The following NDUFAF6 variants were observed in gnomAD, a reference collection of about 807,000 sequenced individuals.
NDUFAF6 encodes NADH dehydrogenase (ubiquinone) complex I, assembly factor 6.
In NDUFAF6, 45 loss-of-function variants were observed where a neutral mutation model predicts 40.8. The observed-to-expected ratio is 1.10, with a 90% CI of 0.87 to 1.42. The LOEUF (loss-of-function observed/expected upper bound fraction) is 1.42. Ranked by LOEUF, NDUFAF6 falls within the 40% of genes most tolerant of loss-of-function variation. The pLI is 0.00. For synonymous variants in NDUFAF6, 185 were observed against 155.9 expected (o/e 1.19, Z -1.39); for missense variants, 435 against 418.5 (o/e 1.04, Z -0.34).
upstream of NDUFAF6, among the ~76,000 whole-genome samples, chr8:95,097,066 C>T (rs530633254): frequency 6.6e-6 from 1 of 152,162 alleles, no homozygotes; most frequent in East Asian, 1.9e-4. Flanking sequence ...ACTCTCTGGG[C>T]CCCTGGGCCA....
At chr8:95,099,787 C>G (rs1809593516), upstream of NDUFAF6, among the ~76,000 whole-genome samples, 1 of 152,160 alleles carries the variant, frequency 6.6e-6, no homozygotes, top group Non-Finnish European at 1.5e-5. Context: ...ACAAAGCCAT[C>G]TTGAAGTTCA....
chr8:94,897,723 G>A (rs200108566), intron 1 of NDUFAF6, among the ~76,000 whole-genome samples: 1 of 36,300 alleles, frequency 2.8e-5, no homozygotes, highest in Non-Finnish European at 6.0e-5. Context: ...TTTTTTTTTT[G>A]TATATCTCCT....
intron 1 of NDUFAF6, among the ~76,000 whole-genome samples, chr8:94,941,526 T>G (rs1821530974): frequency 6.6e-6 from 1 of 152,234 alleles, no homozygotes; most frequent in South Asian, 2.1e-4. Flanking sequence ...TCTCTTCTAC[T>G]CTGTACTTCT....
intron 2 of NDUFAF6, among the ~76,000 whole-genome samples, chr8:95,010,357 G>A (rs1228040737): frequency 6.6e-6 from 1 of 152,174 alleles, no homozygotes; most frequent in Non-Finnish European, 1.5e-5. Context: ...AAAGTGCTGG[G>A]ATTACAGGTG....
intron 1 of NDUFAF6, among the ~76,000 whole-genome samples, chr8:94,901,666 C>G (rs1045326646): frequency 3.3e-5 from 5 of 152,190 alleles, no homozygotes. Flanking sequence ...ACTGCAACCT[C>G]CACCTCCCAG....
rs1831069512 is a variant in NDUFAF6, at chr8:95,048,542, A to G, written c.800A>G (p.His267Arg). ...ATATATGACATTGCCAGTCAAGCAC[A>G]CTTGCACCTAAAGCATGTAAGTCGG... ...DVIYDIASQA[H>R]LHLKHARSFH... The change falls in exon 7 of 9, where the codon CAC becomes CGC. Residue 267 changes from histidine to arginine, a missense_variant. His to Arg is a conservative substitution (Grantham distance 29, BLOSUM62 0). Transcript: ENST00000396124. 1 of 1,613,912 alleles carries G rather than the reference A, an allele frequency of 6.2e-7. No individual in the cohort carries two copies.
chr8:94,925,011 G>A (rs1023941683), intron 1 of NDUFAF6, among the ~76,000 whole-genome samples: 1 of 152,164 alleles, frequency 6.6e-6, no homozygotes, highest in African/African-American at 2.4e-5. Context: ...CCAAAGTGCT[G>A]GCATTACAGG....
upstream of NDUFAF6, among the ~76,000 whole-genome samples, chr8:95,097,071 G>A (rs1809489143): frequency 6.6e-6 from 1 of 152,174 alleles, no homozygotes. Context: ...CTGGGCCCCT[G>A]GGCCAGTGAA....
chr8:94,930,338 G>T, intron 1 of NDUFAF6: 2 of 1,193,440 alleles, frequency 1.7e-6, no homozygotes, highest in Non-Finnish European at 2.4e-6. Context: ...TGATTTTCAA[G>T]ATAGTGTCTA....
chr8:95,045,500 A>G (rs1227333694), intron 4 of NDUFAF6, 45 bp from the exon 5 acceptor site: 1 of 1,400,058 alleles, frequency 7.1e-7, no homozygotes, highest in Non-Finnish European at 1.0e-6. Context: ...TCTTTCTAAA[A>G]TATTGACAGT....
chr8:95,061,402 G>A (rs1832568416), downstream of NDUFAF6, among the ~76,000 whole-genome samples: 4 of 152,266 alleles, frequency 2.6e-5, no homozygotes, highest in South Asian at 8.3e-4. Context: ...TAAACATTAT[G>A]TGGTTCTTTA....
intron 2 of NDUFAF6, among the ~76,000 whole-genome samples, chr8:95,018,245 C>T (rs1450032825): frequency 6.6e-6 from 1 of 151,198 alleles, no homozygotes; most frequent in East Asian, 1.9e-4. Context: ...CTATGTTGCC[C>T]AGGCTGGTCT....
chr8:94,911,822 A>G (rs1404492240), intron 1 of NDUFAF6, among the ~76,000 whole-genome samples: 1 of 152,204 alleles, frequency 6.6e-6, no homozygotes, highest in Non-Finnish European at 1.5e-5. Flanking sequence ...TGAGGATGCT[A>G]TGGCAGGTTC....
chr8:95,001,972 TCACCC>T (rs151214614), intron 2 of NDUFAF6, among the ~76,000 whole-genome samples: 1,539 of 152,350 alleles, frequency 0.01, 28 homozygotes, highest in African/African-American at 0.035. Context: ...GCCATTGTGT[TCACCC>T]AGGATTAGAC....
upstream of NDUFAF6, among the ~76,000 whole-genome samples, chr8:95,095,877 C>A (rs1245649404): frequency 6.6e-6 from 1 of 152,098 alleles, no homozygotes; most frequent in East Asian, 1.9e-4. Context: ...GTTGGCCAGG[C>A]TAGTCTCGAA....
chr8:95,099,574 T>C (rs1341956475), upstream of NDUFAF6, among the ~76,000 whole-genome samples: 1 of 151,128 alleles, frequency 6.6e-6, no homozygotes, highest in Non-Finnish European at 1.5e-5. Flanking sequence ...AGCAAGAGCC[T>C]ATCTCAAAAT....
Position 95,048,468 on chromosome 8 carries a change from A to C in NDUFAF6, c.726A>C (p.Ser242=). The C allele has an allele frequency of 1.2e-6, 2 of 1,613,464 alleles. No homozygotes were observed. Among genetic ancestry groups the C allele is most frequent in the Non-Finnish European group, 1.7e-6 (2 of 1,179,422 alleles). The part of the protein sequence containing the change: ...PMDICMLHGV[S]QEDFLRRNQD... Reference sequence around the variant, plus strand: ...ATTTCCCCACACAGCATGGTGTTTCACAAGAGGACTTTCTACGGAGGAACC... The same window carrying C: ...ATTTCCCCACACAGCATGGTGTTTCCCAAGAGGACTTTCTACGGAGGAACC... The change falls in exon 7 of 9, where the codon TCA becomes TCC. Residue 242 remains serine (S), a synonymous_variant. Coordinates refer to ENST00000396124, the MANE Select transcript of NDUFAF6 (RefSeq NM_152416.4).
intron 1 of NDUFAF6, among the ~76,000 whole-genome samples, chr8:94,959,661 G>C (rs569223185): frequency 2.0e-5 from 3 of 152,008 alleles, no homozygotes; most frequent in Non-Finnish European, 2.9e-5. Context: ...CTCCTGAGTA[G>C]TTGGGACTAC....
At chr8:94,900,844 G>A (rs1817970474) in intron 1 of NDUFAF6, among the ~76,000 whole-genome samples, 1 of 152,158 alleles carries the variant, frequency 6.6e-6, no homozygotes, top group South Asian at 2.1e-4. Flanking sequence ...GGAGTGATCT[G>A]GGGAGGACTC....
Sources: allele counts gnomAD v4.1 joint callset (sites outside exome capture counted in the v4.1 genomes callset), GRCh38; gene constraint gnomAD v4.1.1; transcripts MANE v1.5; gene names NCBI Gene and HGNC (gene_info 2026-07-23, HGNC 2026-07-21).